HIF3A: variants seen among roughly 807,000 people sequenced by gnomAD.
The protein encoded by HIF3A is hypoxia-inducible factor 3-alpha.
Under a neutral mutation model 67.2 loss-of-function variants are expected in HIF3A, and 41 were observed. The ratio of observed to expected loss-of-function variants is 0.61; its 90% confidence interval spans 0.48 to 0.79. The LOEUF is 0.79. Among genes scored for constraint, HIF3A ranks in the 30% least tolerant of loss-of-function variants. HIF3A has a pLI of 0.00. For synonymous variants in HIF3A, 356 were observed against 374.8 expected (o/e 0.95, Z 0.58); for missense variants, 855 against 898.0 (o/e 0.95, Z 0.61).
At chr19:46,314,699 A>G (rs1254348768) in intron 8 of HIF3A, among the ~76,000 whole-genome samples, 1 of 146,478 alleles carries the variant, frequency 6.8e-6, no homozygotes, top group Non-Finnish European at 1.5e-5. Context: ...CTGGGATTAC[A>G]GCTGGGATTA....
intron 8 of HIF3A, 123 bp from the exon 9 acceptor site, chr19:46,320,320 A>C: frequency 1.4e-6 from 1 of 701,358 alleles, no homozygotes; most frequent in East Asian, 2.5e-5. Flanking sequence ...ATTTTCTGCA[A>C]AATGCCCTCC....
intron 12 of HIF3A, among the ~76,000 whole-genome samples, chr19:46,329,809 A>G (rs1179872409): frequency 1.3e-5 from 2 of 152,046 alleles, no homozygotes; most frequent in South Asian, 2.1e-4. Context: ...CAGAGAAACT[A>G]TCTAAGCCGG....
chr19:46,323,195 C>T (rs748465248), intron 10 of HIF3A, among the ~76,000 whole-genome samples: 1 of 152,056 alleles, frequency 6.6e-6, no homozygotes, highest in African/African-American at 2.4e-5. Context: ...AGATTACAGG[C>T]GCACACTACC....
chr19:46,326,457 TA>T (rs1328999177), intron 11 of HIF3A, among the ~76,000 whole-genome samples: 2 of 152,108 alleles, frequency 1.3e-5, no homozygotes, highest in African/African-American at 4.8e-5. Context: ...TGGGAGGCAA[TA>T]ACATAAGAGT....
chr19:46,298,440 C>CCCGGGTCCTGGCTGCA, intron 1 of HIF3A: 2 of 1,288,574 alleles, frequency 1.6e-6, no homozygotes, highest in Non-Finnish European at 2.0e-6. Flanking sequence ...GTAACTCGCA[C>CCCGGGTCCTGGCTGCA]CCGGGTCCTG....
chr19:46,297,233 G>A lies in HIF3A; in HGVS notation c.26+131G>A, dbSNP rs1967932032. Reference sequence around the variant, plus strand: ...AACGCCCCGGGGCGCGCAGTTGGAGGCACATCCCCACCGCACTCTCCACCC... The same window carrying A: ...AACGCCCCGGGGCGCGCAGTTGGAGACACATCCCCACCGCACTCTCCACCC... On this transcript the variant is annotated intron_variant, in intron 1 of 14. Coordinates refer to ENST00000377670, the MANE Select transcript of HIF3A (RefSeq NM_152795.4). This position sits in a 1 kb window ranked among gnomAD's most constrained non-coding sequence, Gnocchi z 4.5. The A allele has an allele frequency of 1.9e-6, 1 of 515,456 alleles. No homozygotes were observed. The highest frequency in any genetic ancestry group is 3.2e-6 in the Non-Finnish European group (1 of 316,992). The allele number at this position is 515,456 out of a possible 1,614,324, so 31.9% of individuals were successfully genotyped here.
chr19:46,341,058 C>A lies in HIF3A; in HGVS notation c.*1436C>A, dbSNP rs1162535621. ...TCCCTCTTGTTTTAGATCTCACACC[C>A]TCCAACGCCCTCCGGTTCCAGATCT... On this transcript the variant is annotated 3_prime_UTR_variant, in exon 15 of 15. Transcript: ENST00000377670. 1 of 152,154 alleles carries A rather than the reference C, an allele frequency of 6.6e-6. No individual in the cohort carries two copies. The highest frequency in any genetic ancestry group is 1.5e-5 in the Non-Finnish European group (1 of 68,052). 9.4% of individuals were successfully genotyped at this position (152,154 alleles called of 1,614,324 possible).
chr19:46,303,410 G>A (rs1968507074), intron 1 of HIF3A, among the ~76,000 whole-genome samples: 1 of 152,178 alleles, frequency 6.6e-6, no homozygotes, highest in South Asian at 2.1e-4. Flanking sequence ...AAGATTCACA[G>A]GACGGCTCAG....
chr19:46,323,249 C>T (rs1327238305), intron 10 of HIF3A, among the ~76,000 whole-genome samples: 1 of 151,920 alleles, frequency 6.6e-6, no homozygotes, highest in Non-Finnish European at 1.5e-5. Flanking sequence ...CGGGGTTTCA[C>T]CATGTTTGTC....
chr19:46,332,370 CAA>C (rs567991296), intron 13 of HIF3A, among the ~76,000 whole-genome samples: 1 of 127,254 alleles, frequency 7.9e-6, no homozygotes, highest in African/African-American at 2.9e-5. Flanking sequence ...GCTGTCTGTA[CAA>C]AAAAAAAAAA....
chr19:46,331,071 A>C (rs918309253), intron 12 of HIF3A, 85 bp from the exon 13 acceptor site: 33 of 990,474 alleles, frequency 3.3e-5, no homozygotes, highest in Non-Finnish European at 4.9e-5. Context: ...CAGGGGAGTG[A>C]ATGAATGCTC....
rs1023094113 is a variant in HIF3A at position 46,329,788 on chromosome 19, T to C, written c.1712+310T>C. 1.1e-4 allele frequency among the ~76,000 whole-genome samples: 17 copies of C among 151,960 alleles called. 2 individuals carry two copies. The highest frequency in any genetic ancestry group is 6.6e-4 in the Admixed American group (10 of 15,250). Reference sequence around the variant, plus strand: ...AATTTTTGTCAGAGTTTAGAAGACATTGCCGTGTGTCAGAGAAACTATCTA... The same window carrying C: ...AATTTTTGTCAGAGTTTAGAAGACACTGCCGTGTGTCAGAGAAACTATCTA... On this transcript the variant is annotated intron_variant, in intron 12 of 14. Coordinates refer to ENST00000377670, the MANE Select transcript of HIF3A (RefSeq NM_152795.4).
intron 3 of HIF3A, 150 bp downstream of exon 3, chr19:46,305,540 C>T: frequency 2.4e-6 from 2 of 836,820 alleles, no homozygotes; most frequent in Non-Finnish European, 3.7e-6. Context: ...CCAGAATGGT[C>T]AGGGCTGGGA....
intron 8 of HIF3A, among the ~76,000 whole-genome samples, chr19:46,313,664 A>ATTTTTTT (rs34143893): frequency 3.1e-5 from 4 of 130,606 alleles, no homozygotes; most frequent in Non-Finnish European, 6.3e-5. Flanking sequence ...AATTACCACG[A>ATTTTTTT]TTTTTTTTTT....
intron 8 of HIF3A, among the ~76,000 whole-genome samples, chr19:46,315,968 T>A (rs751360574): frequency 1.8e-4 from 27 of 148,894 alleles, no homozygotes; most frequent in Non-Finnish European, 3.4e-4. Flanking sequence ...CGGTGGCTCA[T>A]GCCTGTAATC....
intron 8 of HIF3A, among the ~76,000 whole-genome samples, chr19:46,315,879 A>C (rs908992014): frequency 2.0e-5 from 3 of 151,984 alleles, no homozygotes; most frequent in African/African-American, 7.2e-5. Flanking sequence ...ACACCGCTGC[A>C]CTCTAGCCTG....
Position 46,311,213 on chromosome 19 carries a change from C to T in HIF3A, c.771-948C>T, listed in dbSNP as rs185567007. ...CCCCTTCTCTTCCCTTGTATTAGTTCCCTGTTGCTGCTGTAATATATTACC... is the reference window on the plus strand; with the variant it reads ...CCCCTTCTCTTCCCTTGTATTAGTTTCCTGTTGCTGCTGTAATATATTACC... On this transcript the variant is annotated intron_variant, in intron 6 of 14. Coordinates refer to ENST00000377670, the MANE Select transcript of HIF3A (RefSeq NM_152795.4). Among the ~76,000 whole-genome samples, 23 of 152,182 alleles carry T rather than the reference C, an allele frequency of 1.5e-4. No individual in the cohort carries two copies. In the East Asian group the frequency reaches 3.7e-3, roughly 24 times the overall value.
At chr19:46,305,545 C>G (rs1968768464) in intron 3 of HIF3A, among the ~76,000 whole-genome samples, 155 bp downstream of exon 3, 1 of 152,086 alleles carries the variant, frequency 6.6e-6, no homozygotes, top group Non-Finnish European at 1.5e-5. Flanking sequence ...ATGGTCAGGG[C>G]TGGGATGGGA....
chr19:46,303,069 G>T (rs1006712150), intron 1 of HIF3A, among the ~76,000 whole-genome samples: 4 of 152,150 alleles, frequency 2.6e-5, no homozygotes, highest in Non-Finnish European at 5.9e-5. Flanking sequence ...GGCAGGCACT[G>T]CACCTCTCTG....
Sources: gnomAD v4.1 joint callset for allele counts (sites outside exome capture counted in the v4.1 genomes callset) on GRCh38, gnomAD v4.1.1 for gene constraint, Gnocchi (gnomAD v3.1) non-coding constraint, MANE v1.5 for transcripts, NCBI Gene and HGNC (gene_info 2026-07-23, HGNC 2026-07-21) for gene names.